Variants in MVB12B observed in about 807,000 individuals in gnomAD.
MVB12B encodes ESCRT-I complex subunit MVB12B.
MVB12B carries 16 observed loss-of-function variants against 41.6 expected under a neutral mutation model. The ratio of observed to expected loss-of-function variants is 0.38; its 90% CI spans 0.26 to 0.58. The LOEUF (loss-of-function observed/expected upper bound fraction) is 0.58, where lower values mean the gene tolerates loss of function less well. Ranked by LOEUF, MVB12B falls within the 20% of genes least tolerant of loss-of-function variation. MVB12B has a pLI of 0.62. For synonymous variants in MVB12B, 133 were observed against 139.7 expected (o/e 0.95, Z 0.34); for missense variants, 274 against 380.2 (o/e 0.72, Z 2.32).
chr9:126,451,687 A>T (rs1410101845), intron 7 of MVB12B, among the ~76,000 whole-genome samples: 1 of 152,028 alleles, frequency 6.6e-6, no homozygotes, highest in Non-Finnish European at 1.5e-5. Context: ...CCCTCCCACT[A>T]CCTTCCAGAA....
At chr9:126,435,002 A>G (rs1290856173) in intron 7 of MVB12B, among the ~76,000 whole-genome samples, 1 of 152,138 alleles carries the variant, frequency 6.6e-6, no homozygotes, top group African/African-American at 2.4e-5. Context: ...CCTGGGTCTT[A>G]GAACTGGTTC....
intron 8 of MVB12B, among the ~76,000 whole-genome samples, chr9:126,482,206 G>A (rs1299798166): frequency 6.6e-6 from 1 of 152,230 alleles, no homozygotes; most frequent in East Asian, 1.9e-4. Flanking sequence ...TCCCAGCTGC[G>A]CAGGCTTGCC....
intron 6 of MVB12B, among the ~76,000 whole-genome samples, chr9:126,415,685 A>G (rs1049353895): frequency 2.0e-5 from 3 of 152,106 alleles, no homozygotes; most frequent in African/African-American, 7.2e-5. Flanking sequence ...GTAGTAGGTA[A>G]TCTTAGAGGA....
At chr9:126,350,533 G>A (rs2095560582) in intron 2 of MVB12B, among the ~76,000 whole-genome samples, 1 of 152,154 alleles carries the variant, frequency 6.6e-6, no homozygotes, top group South Asian at 2.1e-4. Flanking sequence ...AGTTCAAGAG[G>A]CACATCTGGT....
intron 6 of MVB12B, among the ~76,000 whole-genome samples, chr9:126,415,538 T>G (rs1319129296): frequency 6.6e-6 from 1 of 152,140 alleles, no homozygotes; most frequent in Non-Finnish European, 1.5e-5. Flanking sequence ...TACGTAAAAA[T>G]ATCGTGAATC....
In MVB12B at chr9:126,505,654, C is replaced by CTGTGTGTGTGTGTGTGTGTGTG. The variant is rs59351216; in HGVS notation, c.*2395_*2416dup. ...GAGGTGGGTGAGGACAAGCATGTGC[C>CTGTGTGTGTGTGTGTGTGTGTG]TGTGTGTGTGTGTGTGTGTGTGTGT... is the stretch of plus-strand genomic sequence containing the variant. On this transcript the variant is annotated 3_prime_UTR_variant, in exon 10 of 10. Transcript: ENST00000361171. The CTGTGTGTGTGTGTGTGTGTGTG allele has an allele frequency of 7.1e-6, 1 of 140,666 alleles. No individual in the cohort carries two copies. The highest frequency in any genetic ancestry group is 1.6e-5 in the Non-Finnish European group (1 of 64,132). The allele number at this position is 140,666 out of a possible 1,614,324, so 8.7% of individuals were successfully genotyped here.
chr9:126,439,130 C>T (rs1832568849), intron 7 of MVB12B, among the ~76,000 whole-genome samples: 4 of 152,018 alleles, frequency 2.6e-5, no homozygotes, highest in Admixed American at 2.6e-4. Context: ...ACTGATTGCT[C>T]TTCATACAGG....
chr9:126,433,035 C>G (rs1471109648), intron 7 of MVB12B, among the ~76,000 whole-genome samples: 1 of 152,090 alleles, frequency 6.6e-6, no homozygotes, highest in Non-Finnish European at 1.5e-5. Flanking sequence ...GGGTGTGGCT[C>G]CCATCACTCT....
intron 7 of MVB12B, 52 bp downstream of exon 7, chr9:126,422,000 C>T: frequency 8.1e-7 from 1 of 1,241,130 alleles, no homozygotes; most frequent in Non-Finnish European, 1.2e-6. Context: ...TCCCGGGCGC[C>T]ACCTCCTTCC....
chr9:126,412,647 G>T (rs1038615283), intron 6 of MVB12B, among the ~76,000 whole-genome samples: 1 of 152,114 alleles, frequency 6.6e-6, no homozygotes, highest in African/African-American at 2.4e-5. Context: ...AAAACATATG[G>T]AAGAGCAGTG....
intron 7 of MVB12B, among the ~76,000 whole-genome samples, chr9:126,433,684 A>G (rs1327828360): frequency 6.6e-6 from 1 of 151,954 alleles, no homozygotes; most frequent in Non-Finnish European, 1.5e-5. Flanking sequence ...AACTTCTCCT[A>G]AACCCAAGCC....
chr9:126,341,909 G>A (rs1829455749), intron 2 of MVB12B, among the ~76,000 whole-genome samples: 1 of 152,332 alleles, frequency 6.6e-6, no homozygotes, highest in East Asian at 1.9e-4. Flanking sequence ...GGGTAAGGAA[G>A]GAGGAGCCTG....
intron 7 of MVB12B, among the ~76,000 whole-genome samples, chr9:126,435,087 T>C (rs1315538592): frequency 6.6e-6 from 1 of 152,186 alleles, no homozygotes; most frequent in Non-Finnish European, 1.5e-5. Flanking sequence ...TTTTCTTTTT[T>C]TTTTTGTAAT....
intron 9 of MVB12B, among the ~76,000 whole-genome samples, chr9:126,488,682 C>T (rs1357782941): frequency 6.6e-6 from 1 of 152,166 alleles, no homozygotes; most frequent in Non-Finnish European, 1.5e-5. Flanking sequence ...AATACATGAC[C>T]GTCTTCATCT....
intron 1 of MVB12B, among the ~76,000 whole-genome samples, chr9:126,330,055 G>C (rs2118779471): frequency 6.6e-6 from 1 of 152,188 alleles, no homozygotes; most frequent in African/African-American, 2.4e-5. Context: ...TGCCTGGGAG[G>C]CAAAGCCACT....
intron 7 of MVB12B, among the ~76,000 whole-genome samples, chr9:126,431,483 G>C (rs957119196): frequency 2.6e-5 from 4 of 152,326 alleles, no homozygotes; most frequent in Admixed American, 1.3e-4. Context: ...TGCTTTTCCT[G>C]TGCCCCATGG....
At chr9:126,337,972 C>A (rs1829330364) in intron 1 of MVB12B, among the ~76,000 whole-genome samples, 1 of 152,130 alleles carries the variant, frequency 6.6e-6, no homozygotes. Context: ...CCGGTAGAGA[C>A]GCAGTTAAAA....
intron 2 of MVB12B, among the ~76,000 whole-genome samples, chr9:126,354,368 T>A (rs1026957217): frequency 1.3e-5 from 2 of 152,262 alleles, no homozygotes; most frequent in African/African-American, 4.8e-5. Flanking sequence ...AATCTTTTTC[T>A]TTCTTTCTTT....
At chr9:126,481,311 A>G in intron 7 of MVB12B, 58 bp from the exon 8 acceptor site, 2 of 1,401,882 alleles carry the variant, frequency 1.4e-6, no homozygotes, top group East Asian at 2.3e-5. Context: ...CAGTTGCTGG[A>G]CAACTAAATG....
Sources: gnomAD v4.1 joint callset for allele counts (sites outside exome capture counted in the v4.1 genomes callset) on GRCh38, gnomAD v4.1.1 for gene constraint, MANE v1.5 for transcripts, NCBI Gene and HGNC (gene_info 2026-07-23, HGNC 2026-07-21) for gene names.